Variants in ZNF571 observed in about 807,000 individuals in gnomAD.
ZNF571 encodes zinc finger protein 571.
A neutral mutation model predicts 7.7 loss-of-function variants in ZNF571; 4 were observed. The ratio of observed to expected loss-of-function variants is 0.52; its 90% CI spans 0.25 to 1.18. The LOEUF is 1.18. ZNF571 is among the 50% of genes most tolerant of loss of function. The pLI, the probability that ZNF571 is intolerant of heterozygous loss-of-function variation, is 0.14. For synonymous variants in ZNF571, 251 were observed against 232.4 expected (o/e 1.08, Z -0.73); for missense variants, 704 against 726.9 (o/e 0.97, Z 0.36).
At chr19:37,591,539 T>C (rs754922075) in intron 1 of ZNF571, among the ~76,000 whole-genome samples, 1 of 152,210 alleles carries the variant, frequency 6.6e-6, no homozygotes, top group East Asian at 1.9e-4. Flanking sequence ...TGCCTTTCCA[T>C]ATGAACTGTA....
chr19:37,588,119 AAAAAAAAAAT>A (rs2043744147), intron 1 of ZNF571, among the ~76,000 whole-genome samples: 2 of 150,308 alleles, frequency 1.3e-5, no homozygotes, highest in African/African-American at 2.4e-5. Context: ...AAAAAAAAAA[AAAAAAAAAAT>A]CCCATGGGTT....
At chr19:37,586,934 G>GGACCCTA in intron 1 of ZNF571, 189 bp from the exon 2 acceptor site, 1 of 507,524 alleles carries the variant, frequency 2.0e-6, no homozygotes. Context: ...ATGTTGAACA[G>GGACCCTA]GACCCTAGGT....
chr19:37,567,528 A>C (rs1442614869), intron 3 of ZNF571: 2 of 152,160 alleles, frequency 1.3e-5, no homozygotes, highest in East Asian at 3.8e-4. Context: ...TTAAGCCTCA[A>C]ATTGAGCCAC....
At chr19:37,582,467 C>A (rs1471767713) in intron 3 of ZNF571, among the ~76,000 whole-genome samples, 1 of 152,176 alleles carries the variant, frequency 6.6e-6, no homozygotes, top group Non-Finnish European at 1.5e-5. Context: ...AATGTTGGAA[C>A]ACCCCATGGT....
chr19:37,578,985 A>G (rs1462307301), intron 3 of ZNF571, among the ~76,000 whole-genome samples: 1 of 151,658 alleles, frequency 6.6e-6, no homozygotes, highest in Non-Finnish European at 1.5e-5. Flanking sequence ...CGCAGCTGTC[A>G]GTCTCCATTG....
intron 3 of ZNF571, among the ~76,000 whole-genome samples, chr19:37,570,581 C>G (rs1025286110): frequency 1.3e-5 from 2 of 152,180 alleles, no homozygotes; most frequent in African/African-American, 4.8e-5. Flanking sequence ...TGGAGCAACT[C>G]TAATTCAAAC....
Position 37,565,628 on chromosome 19 carries a change from GTA to G in ZNF571, c.798_799del (p.Thr267SerfsTer7). ...ACCACTATGAATTCTCTGATGAAGAGTATATTGTGAACAATAACTAAAGGCTT... is the reference window on the plus strand; with the variant it reads ...ACCACTATGAATTCTCTGATGAAGAGTATTGTGAACAATAACTAAAGGCTT... On this transcript the variant is annotated frameshift_variant, in exon 4 of 4. Transcript: ENST00000451802. LOFTEE classifies it low-confidence loss of function (END_TRUNC). The G allele has an allele frequency of 6.2e-7, 1 of 1,613,340 alleles. No individual in the cohort carries two copies. Among genetic ancestry groups the G allele is most frequent in the Admixed American group, 1.7e-5 (1 of 59,906 alleles).
intron 3 of ZNF571, among the ~76,000 whole-genome samples, chr19:37,582,845 T>C (rs1273155891): frequency 6.6e-6 from 1 of 152,218 alleles, no homozygotes; most frequent in Non-Finnish European, 1.5e-5. Context: ...ACTAGTCCTC[T>C]CATTAGTCTT....
intron 3 of ZNF571, among the ~76,000 whole-genome samples, chr19:37,568,799 T>C (rs1001141692): frequency 1.3e-5 from 2 of 152,136 alleles, no homozygotes; most frequent in African/African-American, 4.8e-5. Context: ...AAAGGGGTGA[T>C]GAGTGAAGAC....
At chr19:37,566,762 T>C (rs2042875523) in intron 3 of ZNF571, among the ~76,000 whole-genome samples, 1 of 152,194 alleles carries the variant, frequency 6.6e-6, no homozygotes. Context: ...TGATCTATTC[T>C]TCATACAGCA....
intron 1 of ZNF571, among the ~76,000 whole-genome samples, chr19:37,590,283 G>A (rs930355022): frequency 5.9e-5 from 9 of 152,152 alleles, no homozygotes; most frequent in South Asian, 2.1e-4. Context: ...TGGGCGTGGT[G>A]GTGGGCACCT....
intron 2 of ZNF571, 54 bp downstream of exon 2, chr19:37,586,614 C>T: frequency 6.2e-7 from 1 of 1,608,366 alleles, no homozygotes; most frequent in Non-Finnish European, 8.5e-7. Context: ...ATCTGGTGTT[C>T]ACATTACACA....
At position 37,564,723 on chromosome 19, in the gene ZNF571, G is replaced by A. The variant is rs775259902; in HGVS notation, c.1705C>T (p.Arg569Cys). The A allele has an allele frequency of 1.5e-5, 24 of 1,613,500 alleles. No homozygotes were observed. The East Asian group carries it at 3.1e-4, about 21-fold the overall frequency. Residue 569 changes from arginine (R) to cysteine (C), a missense_variant, in exon 4 of 4, where the codon CGT becomes TGT. Coordinates refer to ENST00000451802, the MANE Select transcript of ZNF571 (RefSeq NM_016536.5). Reference sequence around the variant, plus strand: ...TGATGCAGAGTAAGTTCTGAGCCACGACTAAAGGCCCTCCCACATTCCTTA... The same window carrying A: ...TGATGCAGAGTAAGTTCTGAGCCACAACTAAAGGCCCTCCCACATTCCTTA... ...ECKECGRAFS[R>C]GSELTLHQRI... is the part of the protein sequence containing the mutation.
At chr19:37,583,126 C>G (rs539217296) in intron 3 of ZNF571, among the ~76,000 whole-genome samples, 7 of 152,314 alleles carry the variant, frequency 4.6e-5, no homozygotes, top group African/African-American at 1.7e-4. Context: ...CTTCTCTTCC[C>G]TCTGCCTGAA....
intron 3 of ZNF571, among the ~76,000 whole-genome samples, chr19:37,575,251 G>A (rs571567923): frequency 6.6e-6 from 1 of 152,040 alleles, no homozygotes; most frequent in Non-Finnish European, 1.5e-5. Context: ...TAATGTACTA[G>A]TACTATTATG....
rs972064167 is a variant in ZNF571 at position 37,564,750 on chromosome 19, A to G, written c.1678T>C (p.Cys560Arg). Residue 560 changes from cysteine (C) to arginine (R), a missense_variant, in exon 4 of 4, where the codon TGT becomes CGT. Cys to Arg is a radical substitution (Grantham distance 180). Coordinates refer to ENST00000451802, the MANE Select transcript of ZNF571 (RefSeq NM_016536.5). ...CTAAAGGCCCTCCCACATTCCTTACATTCATAGGGTTTCTCTCCAGTATGA... is the reference window on the plus strand; with the variant it reads ...CTAAAGGCCCTCCCACATTCCTTACGTTCATAGGGTTTCTCTCCAGTATGA... ...RTHTGEKPYE[C>R]KECGRAFSRG... 1 of 1,613,812 alleles carries G rather than the reference A, an allele frequency of 6.2e-7. No homozygotes were observed. The highest frequency in any genetic ancestry group is 8.5e-7 in the Non-Finnish European group (1 of 1,179,784).
intron 3 of ZNF571, among the ~76,000 whole-genome samples, chr19:37,580,409 T>C (rs2043413574): frequency 6.6e-6 from 1 of 152,252 alleles, no homozygotes; most frequent in Non-Finnish European, 1.5e-5. Context: ...TTTGTATTTG[T>C]AGGTGTTAGC....
At chr19:37,587,004 C>G (rs1200691388) in intron 1 of ZNF571, 3 of 307,584 alleles carry the variant, frequency 9.8e-6, no homozygotes, top group Non-Finnish European at 1.8e-5. Context: ...GCCCAGGGAG[C>G]CCCCCACCAT....
Position 37,566,174 on chromosome 19 carries a change from C to T in ZNF571, c.254G>A (p.Gly85Asp), listed in dbSNP as rs757680166. The T allele has an allele frequency of 1.9e-5, 30 of 1,614,008 alleles. No homozygotes were observed. In the South Asian group the frequency reaches 2.9e-4, roughly 15 times the overall value. The change falls in exon 4 of 4, where the codon GGT (glycine) becomes GAT (aspartate). Residue 85 changes from glycine to aspartate, a missense_variant. Gly to Asp is a moderately conservative substitution (Grantham distance 94). Coordinates refer to ENST00000451802, the MANE Select transcript of ZNF571 (RefSeq NM_016536.5). The part of the protein sequence containing the change: ...KRINHHLQYN[G>D]LGDNMECKGN... The stretch of plus-strand genomic sequence containing the variant: ...TTTGCACTCCATATTGTCTCCAAGA[C>T]CATTGTATTGAAGGTGATGGTTGAT...
Sources: allele counts gnomAD v4.1 joint callset (sites outside exome capture counted in the v4.1 genomes callset), GRCh38; gene constraint gnomAD v4.1.1; transcripts MANE v1.5; gene names NCBI Gene and HGNC (gene_info 2026-07-23, HGNC 2026-07-21).